NAV3: variants seen among roughly 807,000 people sequenced by gnomAD.
The protein encoded by NAV3 is pore membrane and/or filament interacting like protein 1.
In NAV3, 87 loss-of-function variants were observed where a neutral mutation model predicts 244.7. The ratio of observed to expected loss-of-function variants is 0.36; its 90% CI spans 0.30 to 0.42. The LOEUF is 0.42. Ranked by LOEUF, NAV3 falls within the 20% of genes least tolerant of loss-of-function variation. NAV3 has a pLI of 1.00. For synonymous variants in NAV3, 1,126 were observed against 1,042.2 expected (o/e 1.08, Z -1.55); for missense variants, 2,663 against 2,893.3 (o/e 0.92, Z 1.83).
chr12:77,739,147 G>A (rs11106486), intron 2 of NAV3, among the ~76,000 whole-genome samples: 1 of 150,748 alleles, frequency 6.6e-6, no homozygotes, highest in African/African-American at 2.4e-5. Context: ...TTCCACAGTA[G>A]TTAAATCTGG....
At chr12:77,936,316 G>T (rs749630050) in intron 1 of NAV3, among the ~76,000 whole-genome samples, 1 of 152,044 alleles carries the variant, frequency 6.6e-6, no homozygotes, top group African/African-American at 2.4e-5. Flanking sequence ...TCTTGTAAAC[G>T]CAATCTCAGT....
At chr12:77,689,585 C>T (rs1874911962) in intron 2 of NAV3, among the ~76,000 whole-genome samples, 1 of 151,732 alleles carries the variant, frequency 6.6e-6, no homozygotes, top group East Asian at 1.9e-4. Flanking sequence ...TGTTGCAGTG[C>T]ACTATACTTA....
chr12:77,869,801 C>T (rs573824362), intron 1 of NAV3, among the ~76,000 whole-genome samples: 7 of 152,210 alleles, frequency 4.6e-5, no homozygotes, highest in African/African-American at 1.7e-4. Flanking sequence ...CTCCTTTAGA[C>T]AATATGCTTT....
At chr12:77,830,376 G>T (rs540307448), upstream of NAV3, among the ~76,000 whole-genome samples, 4 of 152,242 alleles carry the variant, frequency 2.6e-5, no homozygotes, top group East Asian at 7.7e-4. Context: ...CCAAGTCATA[G>T]CTGTTCTTTC....
intron 1 of NAV3, among the ~76,000 whole-genome samples, chr12:77,905,236 G>A (rs1226932418): frequency 3.3e-5 from 5 of 152,014 alleles, no homozygotes; most frequent in Non-Finnish European, 7.4e-5. Flanking sequence ...TGCTTTGGGG[G>A]AAACACAAAA....
intron 39 of NAV3, among the ~76,000 whole-genome samples, chr12:78,205,539 C>G (rs139039637): frequency 5.3e-5 from 8 of 152,052 alleles, no homozygotes; most frequent in African/African-American, 1.7e-4. Flanking sequence ...AATATTTTGC[C>G]TATATCAACT....
chr12:77,696,195 T>G (rs1875288818), intron 2 of NAV3, among the ~76,000 whole-genome samples: 1 of 152,132 alleles, frequency 6.6e-6, no homozygotes, highest in Non-Finnish European at 1.5e-5. Context: ...CCCCTTTCCT[T>G]GAGTGTATGC....
chr12:78,206,849 TCTTA>T (rs1960366644), intron 39 of NAV3, among the ~76,000 whole-genome samples: 4 of 115,586 alleles, frequency 3.5e-5, no homozygotes, highest in African/African-American at 9.6e-5. Context: ...TTTCTTTCTT[TCTTA>T]CTTTTTTTTT....
At chr12:78,081,134 A>G (rs978295294) in intron 12 of NAV3, among the ~76,000 whole-genome samples, 3 of 152,214 alleles carry the variant, frequency 2.0e-5, no homozygotes, top group African/African-American at 7.2e-5. Flanking sequence ...TAATGTATAT[A>G]TTAAATATTC....
At chr12:78,197,039 C>T (rs1386487034) in intron 34 of NAV3, among the ~76,000 whole-genome samples, 1 of 151,748 alleles carries the variant, frequency 6.6e-6, no homozygotes, top group African/African-American at 2.4e-5. Flanking sequence ...TATTGCTTTC[C>T]TTTTTCTTGC....
At chr12:77,966,073 G>A (rs1225439436) in intron 3 of NAV3, among the ~76,000 whole-genome samples, 156 bp from the exon 4 acceptor site, 1 of 152,182 alleles carries the variant, frequency 6.6e-6, no homozygotes, top group African/African-American at 2.4e-5. Context: ...TCTGCAATTA[G>A]CCAAAATAAT....
chr12:77,583,837 C>T (rs1053375688), intron 2 of NAV3, among the ~76,000 whole-genome samples: 1 of 152,152 alleles, frequency 6.6e-6, no homozygotes, highest in Non-Finnish European at 1.5e-5. Flanking sequence ...ATTCCCCCTC[C>T]AACCTGTCTC....
intron 22 of NAV3, among the ~76,000 whole-genome samples, chr12:78,156,441 G>T (rs1352783100): frequency 6.6e-6 from 1 of 151,914 alleles, no homozygotes; most frequent in Non-Finnish European, 1.5e-5. Context: ...ACATTTTGTG[G>T]TTACTTATAG....
At chr12:78,175,451 T>C in intron 25 of NAV3, 24 bp downstream of exon 25, 2 of 1,603,110 alleles carry the variant, frequency 1.2e-6, no homozygotes, top group Non-Finnish European at 1.7e-6. Context: ...CTTCATCTAA[T>C]TCAGAAGCTT....
intron 20 of NAV3, among the ~76,000 whole-genome samples, chr12:78,145,811 T>C (rs1956841469): frequency 6.6e-6 from 1 of 152,172 alleles, no homozygotes; most frequent in Non-Finnish European, 1.5e-5. Flanking sequence ...TTAATAATCA[T>C]TAAAGAAAGA....
intron 8 of NAV3, among the ~76,000 whole-genome samples, chr12:78,008,118 G>A (rs1020682940): frequency 6.6e-6 from 1 of 151,990 alleles, no homozygotes; most frequent in African/African-American, 2.4e-5. Context: ...TACTTTCTCA[G>A]TGTAAATTTT....
chr12:77,906,737 T>C (rs1886018786), intron 1 of NAV3, among the ~76,000 whole-genome samples: 1 of 152,136 alleles, frequency 6.6e-6, no homozygotes, highest in Non-Finnish European at 1.5e-5. Context: ...AGGGATGTTG[T>C]GATAACTTAA....
rs2140144859 is a variant in NAV3 at position 78,211,169 on chromosome 12, T to G, written c.*652T>G. On this transcript the variant is annotated 3_prime_UTR_variant, in exon 40 of 40. Coordinates refer to ENST00000397909, the MANE Select transcript of NAV3 (RefSeq NM_001024383.2). ...AACTTTTTAGTATATGAGTCACTGGTTTTATAAGGTTGTTTTTACCACAGT... is the reference window on the plus strand; with the variant it reads ...AACTTTTTAGTATATGAGTCACTGGGTTTATAAGGTTGTTTTTACCACAGT... 1 of 152,750 alleles carries G rather than the reference T, an allele frequency of 6.5e-6. No individual in the cohort carries two copies. The highest frequency in any genetic ancestry group is 1.9e-4 in the East Asian group (1 of 5,180). 9.5% of individuals were successfully genotyped at this position (152,750 alleles called of 1,614,324 possible).
At chr12:77,817,523 G>A (rs1318506743) in intron 2 of NAV3, among the ~76,000 whole-genome samples, 1 of 150,188 alleles carries the variant, frequency 6.7e-6, no homozygotes, top group African/African-American at 2.4e-5. Flanking sequence ...TAGTGATTCC[G>A]TCAAGACCAA....
Sources: gnomAD v4.1 joint callset for allele counts (sites outside exome capture counted in the v4.1 genomes callset) on GRCh38, gnomAD v4.1.1 for gene constraint, MANE v1.5 for transcripts, NCBI Gene and HGNC (gene_info 2026-07-23, HGNC 2026-07-21) for gene names.